Variants in CFH observed in about 807,000 individuals in gnomAD.
CFH encodes H factor 1 (complement).
CFH carries 53 observed loss-of-function variants against 147.3 expected under a neutral mutation model. That is an observed-to-expected ratio of 0.36 (90% CI 0.29 to 0.45). The LOEUF is 0.45. CFH is among the 20% of genes least tolerant of loss of function. CFH has a pLI of 1.00. For synonymous variants in CFH, 536 were observed against 489.4 expected (o/e 1.10, Z -1.26); for missense variants, 1,380 against 1,498.0 (o/e 0.92, Z 1.30).
chr1:196,724,703 G>A (rs1449996007), intron 11 of CFH, among the ~76,000 whole-genome samples: 7 of 152,086 alleles, frequency 4.6e-5, no homozygotes, highest in Admixed American at 3.3e-4. Flanking sequence ...TTCTTTCTGA[G>A]GAGAACTTGT....
chr1:196,695,258 T>C (rs1480886875), intron 9 of CFH, among the ~76,000 whole-genome samples: 2 of 152,334 alleles, frequency 1.3e-5, no homozygotes, highest in East Asian at 3.9e-4. Context: ...ATTTATTCAA[T>C]AGGGAATCTT....
chr1:196,744,918 T>C (rs1652947633), intron 20 of CFH, among the ~76,000 whole-genome samples: 1 of 152,146 alleles, frequency 6.6e-6, no homozygotes, highest in Admixed American at 6.5e-5. Context: ...TCTCTGAGAA[T>C]GTCTGTATTG....
At chr1:196,674,126 C>G (rs1667378567) in intron 3 of CFH, among the ~76,000 whole-genome samples, 164 bp downstream of exon 3, 1 of 152,030 alleles carries the variant, frequency 6.6e-6, no homozygotes, top group South Asian at 2.1e-4. Flanking sequence ...ATCTGGATAC[C>G]ATATTATCTC....
rs755521666 is a variant in CFH at position 196,742,005 on chromosome 1, T to C, written c.3087T>C (p.Asn1029=). The change falls in exon 19 of 22, where the codon AAT becomes AAC. Residue 1029 remains asparagine, a synonymous_variant. Transcript: ENST00000367429. ...ATYYKMDGAS[N]VTCINSRWTG... is the part of the protein sequence containing the mutation. ...ATTACAAAATGGATGGAGCCAGTAA[T>C]GTAACATGCATTAATAGCAGATGGA... 11 of 1,614,066 alleles carry C rather than the reference T, an allele frequency of 6.8e-6. No homozygotes were observed. Among genetic ancestry groups the C allele is most frequent in the Admixed American group, 6.7e-5 (4 of 60,000 alleles).
chr1:196,694,848 G>C (rs5981388), intron 9 of CFH, among the ~76,000 whole-genome samples: 5 of 152,250 alleles, frequency 3.3e-5, no homozygotes, highest in Admixed American at 3.3e-4. Flanking sequence ...TTTTGATGGG[G>C]TTGTTTGTTT....
At chr1:196,714,624 T>G (rs1668804415) in intron 10 of CFH, among the ~76,000 whole-genome samples, 1 of 90,554 alleles carries the variant, frequency 1.1e-5, no homozygotes, top group Non-Finnish European at 2.1e-5. Context: ...TGTGTGTGTA[T>G]ACGTATATAT....
Position 196,689,449 on chromosome 1 carries a change from C to T in CFH, c.994C>T (p.His332Tyr), listed in dbSNP as rs1479330649. 2 of 1,613,064 alleles carry T rather than the reference C, an allele frequency of 1.2e-6. No individual in the cohort carries two copies. Among genetic ancestry groups the T allele is most frequent in the Non-Finnish European group, 1.7e-6 (2 of 1,179,456 alleles). Residue 332 changes from histidine to tyrosine, a missense_variant, in exon 8 of 22, where the codon CAT (histidine) becomes TAT (tyrosine). Around this residue, in one of 4 missense-constraint regions of CFH, gnomAD observed 167 missense variants for 228.0 expected, o/e 0.73. Transcript: ENST00000367429. ...ACCTTGTGATTATCCAGACATTAAA[C>T]ATGGAGGTCTATATCATGAGAATAT... The part of the protein sequence containing the change: ...LKPCDYPDIK[H>Y]GGLYHENMRR...
chr1:196,737,137 T>A, intron 16 of CFH, 131 bp downstream of exon 16: 1 of 802,430 alleles, frequency 1.2e-6, no homozygotes, highest in Non-Finnish European at 2.0e-6. Flanking sequence ...AATTAGGACC[T>A]AGGCACATTA....
intron 9 of CFH, among the ~76,000 whole-genome samples, chr1:196,704,081 G>A (rs1668528262): frequency 2.0e-5 from 3 of 147,226 alleles, no homozygotes; most frequent in South Asian, 4.3e-4. Context: ...TTGTTGTTTT[G>A]TTTTGTTTTG....
At chr1:196,692,659 CCTT>C (rs943332402) in intron 9 of CFH, among the ~76,000 whole-genome samples, 5 of 120,666 alleles carry the variant, frequency 4.1e-5, no homozygotes, top group African/African-American at 7.3e-5. Flanking sequence ...CTACGTTTCT[CCTT>C]CTTTTTCTTT....
At chr1:196,722,416 A>G (rs186715207) in intron 11 of CFH, among the ~76,000 whole-genome samples, 1 of 152,182 alleles carries the variant, frequency 6.6e-6, no homozygotes, top group Non-Finnish European at 1.5e-5. Context: ...ATAGGACACC[A>G]ATATCTTCTG....
At position 196,745,851 on chromosome 1, in the gene CFH, T is replaced by A; in HGVS notation, c.3345T>A (p.Ile1115=). 1 of 1,614,178 alleles carries A rather than the reference T, an allele frequency of 6.2e-7. No homozygotes were observed. The part of the protein sequence containing the change: ...STGKCGPPPP[I]DNGDITSFPL... ...GAAAATGTGGGCCCCCTCCACCTAT[T>A]GACAATGGGGACATTACTTCATTCC... is the stretch of plus-strand genomic sequence containing the variant. Residue 1115 remains isoleucine, a synonymous_variant, in exon 21 of 22, where the codon ATT becomes ATA. Coordinates refer to ENST00000367429, the MANE Select transcript of CFH (RefSeq NM_000186.4).
intron 9 of CFH, among the ~76,000 whole-genome samples, chr1:196,711,373 A>G (rs915052647): frequency 6.6e-6 from 1 of 152,102 alleles, no homozygotes; most frequent in Admixed American, 6.6e-5. Flanking sequence ...TAGTATATCA[A>G]TCAGTGTTTG....
At chr1:196,740,070 T>TCA (rs1652758423) in intron 17 of CFH, among the ~76,000 whole-genome samples, 2 of 152,046 alleles carry the variant, frequency 1.3e-5, no homozygotes, top group Admixed American at 6.6e-5. Context: ...TCACGCAGTA[T>TCA]CATGAGAACA....
At chr1:196,659,377 A>T (rs545319238) in intron 1 of CFH, among the ~76,000 whole-genome samples, 4 of 152,152 alleles carry the variant, frequency 2.6e-5, no homozygotes, top group East Asian at 1.9e-4. Flanking sequence ...CAAGCCCCCA[A>T]ATTGGGTCTT....
In CFH at chr1:196,734,450, C is replaced by T. The variant is rs566897027; in HGVS notation, c.2414-2374C>T. Among the ~76,000 whole-genome samples, 3 of 152,174 alleles carry T rather than the reference C, an allele frequency of 2.0e-5. No homozygotes were observed. In the South Asian group the frequency reaches 6.2e-4, roughly 32 times the overall value. On this transcript the variant is annotated intron_variant, in intron 15 of 21. Coordinates refer to ENST00000367429, the MANE Select transcript of CFH (RefSeq NM_000186.4). ...GTATCGTTAAGTGCTCCTACACAAGCAAGAGAGAAACCTGTACTTTAGGAT... is the reference window on the plus strand; with the variant it reads ...GTATCGTTAAGTGCTCCTACACAAGTAAGAGAGAAACCTGTACTTTAGGAT...
At chr1:196,700,084 G>C (rs1198402204) in intron 9 of CFH, among the ~76,000 whole-genome samples, 1 of 152,136 alleles carries the variant, frequency 6.6e-6, no homozygotes, top group African/African-American at 2.4e-5. Flanking sequence ...TGAAAGGCTT[G>C]ACAAGAAACT....
intron 9 of CFH, among the ~76,000 whole-genome samples, chr1:196,706,550 G>A (rs7513157): frequency 0.022 from 3,418 of 152,214 alleles, 70 homozygotes; most frequent in South Asian, 0.033. Context: ...GAGAGAATTC[G>A]ATTGAGACTT....
At chr1:196,728,256 C>T (rs1437704030) in intron 14 of CFH, 90 bp from the exon 15 acceptor site, 2 of 925,354 alleles carry the variant, frequency 2.2e-6, no homozygotes, top group Non-Finnish European at 3.1e-6. Flanking sequence ...TTTTACCATG[C>T]TAATACTATT....
Sources: gnomAD v4.1 joint callset for allele counts (sites outside exome capture counted in the v4.1 genomes callset) on GRCh38, gnomAD v4.1.1 for gene constraint, gnomAD v4.1.1 regional missense constraint, MANE v1.5 for transcripts, NCBI Gene and HGNC (gene_info 2026-07-23, HGNC 2026-07-21) for gene names.